The following PDE1A variants were observed in gnomAD, a reference collection of about 807,000 sequenced individuals.
The protein encoded by PDE1A is dual specificity calcium/calmodulin-dependent 3',5'-cyclic nucleotide phosphodiesterase 1A.
In PDE1A, 35 loss-of-function variants were observed where a neutral mutation model predicts 61.7. That is an observed-to-expected ratio of 0.57 (90% CI 0.43 to 0.75). PDE1A has a LOEUF of 0.75. Among genes scored for constraint, PDE1A ranks in the 30% least tolerant of loss-of-function variants. The pLI is 0.00. For missense variants in PDE1A, 597 were observed against 630.6 expected (o/e 0.95, Z 0.57); for synonymous variants, 232 against 213.2 (o/e 1.09, Z -0.77).
chr2:182,487,292 G>A (rs1329329616), intron 2 of PDE1A, among the ~76,000 whole-genome samples: 1 of 152,104 alleles, frequency 6.6e-6, no homozygotes, highest in Non-Finnish European at 1.5e-5. Flanking sequence ...AGTGAAGAAG[G>A]TGGAACTCTC....
intron 1 of PDE1A, among the ~76,000 whole-genome samples, chr2:182,366,832 G>T (rs550278675): frequency 6.6e-6 from 1 of 151,958 alleles, no homozygotes; most frequent in Non-Finnish European, 1.5e-5. Flanking sequence ...CTTGGCAGTC[G>T]TGGCTAATGT....
chr2:182,395,003 T>C (rs1574541910), intron 1 of PDE1A, among the ~76,000 whole-genome samples: 1 of 152,238 alleles, frequency 6.6e-6, no homozygotes, highest in African/African-American at 2.4e-5. Flanking sequence ...AGAAGACAGA[T>C]GGATCTCTGA....
chr2:182,503,040 TACACACACACACACAC>T (rs35067674), intron 2 of PDE1A, among the ~76,000 whole-genome samples: 1 of 96,926 alleles, frequency 1.0e-5, no homozygotes, highest in Non-Finnish European at 2.2e-5. Context: ...CATTCTTTCT[TACACACACACACACAC>T]ACACACACAC....
intron 13 of PDE1A, among the ~76,000 whole-genome samples, chr2:182,182,099 C>G (rs1671002433): frequency 6.6e-6 from 1 of 152,118 alleles, no homozygotes; most frequent in Non-Finnish European, 1.5e-5. Context: ...GCACAAAAGT[C>G]TCTCTGGGGT....
intron 1 of PDE1A, among the ~76,000 whole-genome samples, chr2:182,362,775 T>C (rs191569561): frequency 4.1e-4 from 62 of 152,172 alleles, no homozygotes; most frequent in African/African-American, 1.5e-3. Flanking sequence ...GCACTATTCA[T>C]TGCAGCACTA....
At chr2:182,550,570 T>C in the PDE1A span, among the ~76,000 whole-genome samples, 5 of 152,278 alleles carry the variant, frequency 3.3e-5, no homozygotes, top group African/African-American at 9.6e-5. Flanking sequence ...AGGAATAATA[T>C]GTTAATGAAC....
At chr2:182,449,648 C>G (rs1182949526) in intron 2 of PDE1A, among the ~76,000 whole-genome samples, 1 of 152,004 alleles carries the variant, frequency 6.6e-6, no homozygotes, top group Non-Finnish European at 1.5e-5. Flanking sequence ...GGCATTTTTA[C>G]CTTTATTTCT....
intron 2 of PDE1A, among the ~76,000 whole-genome samples, chr2:182,494,936 C>T (rs946013585): frequency 6.6e-6 from 1 of 152,122 alleles, no homozygotes; most frequent in Admixed American, 6.5e-5. Flanking sequence ...TTTTTTAGCT[C>T]TTTCCTCTGT....
intron 10 of PDE1A, among the ~76,000 whole-genome samples, chr2:182,196,074 G>C (rs1052557856): frequency 6.6e-6 from 1 of 151,990 alleles, no homozygotes; most frequent in Non-Finnish European, 1.5e-5. Flanking sequence ...TTACCTGTTG[G>C]AATTAATATC....
chr2:182,303,243 G>A (rs751054611), intron 1 of PDE1A, among the ~76,000 whole-genome samples: 4 of 152,074 alleles, frequency 2.6e-5, no homozygotes, highest in Admixed American at 6.5e-5. Context: ...ATAGCCTTAC[G>A]AGATATATTT....
At chr2:182,562,431 T>C in the PDE1A span, among the ~76,000 whole-genome samples, 7 of 150,546 alleles carry the variant, frequency 4.6e-5, no homozygotes, top group Non-Finnish European at 8.9e-5. Flanking sequence ...GATAAGCTTT[T>C]TGATGTGTTG....
intron 1 of PDE1A, among the ~76,000 whole-genome samples, chr2:182,390,444 C>T (rs905907774): frequency 1.3e-5 from 2 of 152,160 alleles, no homozygotes; most frequent in Non-Finnish European, 2.9e-5. Context: ...ATACCTTCAA[C>T]CATATGTGGA....
the PDE1A span, among the ~76,000 whole-genome samples, chr2:182,709,188 A>G: frequency 6.6e-6 from 1 of 151,908 alleles, no homozygotes; most frequent in Non-Finnish European, 1.5e-5. Flanking sequence ...AAAAAAATTT[A>G]GAAAAACCCA....
At chr2:182,566,121 A>C in the PDE1A span, among the ~76,000 whole-genome samples, 1,560 of 152,054 alleles carry the variant, frequency 0.01, 11 homozygotes, top group South Asian at 0.03. Flanking sequence ...TCTTATTCTA[A>C]TTCACTTACT....
the PDE1A span, among the ~76,000 whole-genome samples, chr2:182,619,175 G>T: frequency 3.3e-5 from 5 of 151,996 alleles, no homozygotes; most frequent in African/African-American, 4.8e-5. Flanking sequence ...AAATATCCAT[G>T]TATTCAATGT....
At chr2:182,161,798 A>C (rs1691395629) in intron 13 of PDE1A, among the ~76,000 whole-genome samples, 1 of 152,178 alleles carries the variant, frequency 6.6e-6, no homozygotes, top group Non-Finnish European at 1.5e-5. Flanking sequence ...ATTATGGTGG[A>C]AGAAACAAAG....
chr2:182,462,271 T>C (rs1326577098), intron 2 of PDE1A, among the ~76,000 whole-genome samples: 1 of 151,992 alleles, frequency 6.6e-6, no homozygotes, highest in Non-Finnish European at 1.5e-5. Context: ...AACCTGCACG[T>C]TGTGCACATG....
At chr2:182,180,989 A>T (rs1684711559) in intron 13 of PDE1A, among the ~76,000 whole-genome samples, 1 of 151,564 alleles carries the variant, frequency 6.6e-6, no homozygotes, top group African/African-American at 2.4e-5. Flanking sequence ...AGCTCCTGTA[A>T]CCTTTTATCA....
At chr2:182,371,854 G>A (rs1392157851) in intron 1 of PDE1A, among the ~76,000 whole-genome samples, 1 of 152,146 alleles carries the variant, frequency 6.6e-6, no homozygotes, top group African/African-American at 2.4e-5. Flanking sequence ...ATGCCATCTT[G>A]GCTCACTGCA....
Sources: gnomAD v4.1 joint callset for allele counts (sites outside exome capture counted in the v4.1 genomes callset) on GRCh38, gnomAD v4.1.1 for gene constraint, MANE v1.5 for transcripts, NCBI Gene and HGNC (gene_info 2026-07-23, HGNC 2026-07-21) for gene names.